Variants in TULP4 observed in about 807,000 individuals in gnomAD.
The protein encoded by TULP4 is tubby-related protein 4.
A neutral mutation model predicts 129.0 loss-of-function variants in TULP4; 16 were observed. The observed-to-expected ratio is 0.12, with a 90% CI of 0.08 to 0.19. The LOEUF (loss-of-function observed/expected upper bound fraction) is 0.19, where lower values mean the gene tolerates loss of function less well. Among genes scored for constraint, TULP4 ranks in the 10% least tolerant of loss-of-function variants. The pLI is 1.00. For synonymous variants in TULP4, 998 were observed against 854.0 expected (o/e 1.17, Z -2.94); for missense variants, 1,842 against 2,059.1 (o/e 0.89, Z 2.04).
At chr6:158,438,322 A>G (rs943407695) in intron 3 of TULP4, among the ~76,000 whole-genome samples, 4 of 152,014 alleles carry the variant, frequency 2.6e-5, no homozygotes, top group African/African-American at 9.7e-5. Context: ...ATTTCCTTCC[A>G]TAACCACAGT....
intron 1 of TULP4, among the ~76,000 whole-genome samples, chr6:158,248,568 G>T (rs980198467): frequency 6.6e-6 from 1 of 151,894 alleles, no homozygotes; most frequent in Non-Finnish European, 1.5e-5. Flanking sequence ...CGTGCCCGGC[G>T]TCTGTTCTTT....
chr6:158,268,037 T>C (rs1469712746), intron 1 of TULP4, among the ~76,000 whole-genome samples: 1 of 104,876 alleles, frequency 9.5e-6, no homozygotes, highest in Non-Finnish European at 2.1e-5. Flanking sequence ...TCTTTTTTCT[T>C]TTTTTTTTTT....
intron 1 of TULP4, among the ~76,000 whole-genome samples, chr6:158,351,540 TGGTGGCA>T (rs1299020456): frequency 1.3e-5 from 2 of 152,146 alleles, no homozygotes; most frequent in Admixed American, 1.3e-4. Context: ...GAAAAAGCAC[TGGTGGCA>T]TTTCCTGGGA....
intron 1 of TULP4, among the ~76,000 whole-genome samples, chr6:158,378,485 T>TTTTTTTTGTGTG (rs1554285635): frequency 1.9e-5 from 1 of 51,288 alleles, no homozygotes; most frequent in South Asian, 6.4e-4. Context: ...TTTTTTTTTT[T>TTTTTTTTGTGTG]GGTGGGGGTG....
intron 1 of TULP4, among the ~76,000 whole-genome samples, chr6:158,324,321 T>C (rs1004339006): frequency 2.0e-5 from 3 of 152,178 alleles, no homozygotes; most frequent in Admixed American, 6.5e-5. Context: ...TCTGTCTTCT[T>C]TTTTTAGACC....
At chr6:158,309,173 A>T (rs1779286463), upstream of TULP4, among the ~76,000 whole-genome samples, 1 of 34,808 alleles carries the variant, frequency 2.9e-5, no homozygotes, top group African/African-American at 6.9e-5. Flanking sequence ...CACTTCTCAG[A>T]TGGGGTGGTT....
At chr6:158,369,926 G>C (rs1334288581) in intron 1 of TULP4, among the ~76,000 whole-genome samples, 1 of 152,160 alleles carries the variant, frequency 6.6e-6, no homozygotes. Context: ...AGTGGCTCAA[G>C]CCTATAATTC....
intron 2 of TULP4, among the ~76,000 whole-genome samples, chr6:158,421,039 G>T (rs977958977): frequency 5.3e-5 from 8 of 152,100 alleles, no homozygotes; most frequent in Non-Finnish European, 1.2e-4. Context: ...CTTTGGAGAG[G>T]CGTGAGACAT....
chr6:158,242,149 G>T, intron 1 of TULP4: 1 of 988,918 alleles, frequency 1.0e-6, no homozygotes. Context: ...ATAAGTGATG[G>T]CCAGTCCTGC....
At chr6:158,250,805 T>G (rs956956439) in intron 1 of TULP4, among the ~76,000 whole-genome samples, 2 of 152,232 alleles carry the variant, frequency 1.3e-5, no homozygotes, top group African/African-American at 4.8e-5. Flanking sequence ...TAATAGGGAA[T>G]TGATCTGTTA....
At chr6:158,446,786 C>T (rs1779052324) in intron 3 of TULP4, among the ~76,000 whole-genome samples, 1 of 152,178 alleles carries the variant, frequency 6.6e-6, no homozygotes, top group Non-Finnish European at 1.5e-5. Context: ...CTTGCGTTCT[C>T]CCTGGGTCCT....
rs1778136523 is a variant in TULP4 at position 158,413,241 on chromosome 6, A to G, written c.381+48A>G. 1 of 1,562,926 alleles carries G rather than the reference A, an allele frequency of 6.4e-7. No homozygotes were observed. The highest frequency in any genetic ancestry group is 1.2e-5 in the South Asian group (1 of 85,946). ...CCAGTGAAGGGCTGCGGGGTAGAGGACTCCCAGACAGGCATTCCGGAGCCA... is the reference window on the plus strand; with the variant it reads ...CCAGTGAAGGGCTGCGGGGTAGAGGGCTCCCAGACAGGCATTCCGGAGCCA... On this transcript the variant is annotated intron_variant, in intron 2 of 13. Transcript: ENST00000367097. This position sits in a 1 kb window ranked among gnomAD's most constrained non-coding sequence, Gnocchi z 4.9.
chr6:158,447,668 C>A (rs1178814308), intron 3 of TULP4, among the ~76,000 whole-genome samples: 2 of 152,130 alleles, frequency 1.3e-5, no homozygotes, highest in Non-Finnish European at 2.9e-5. Flanking sequence ...CTGTCTCTCC[C>A]CCAAGGAGCT....
At chr6:158,468,668 C>T (rs148092733) in intron 6 of TULP4, among the ~76,000 whole-genome samples, 11 of 152,330 alleles carry the variant, frequency 7.2e-5, no homozygotes, top group African/African-American at 2.6e-4. Flanking sequence ...CCAAATGTGT[C>T]TTAGTCTGTT....
intron 3 of TULP4, among the ~76,000 whole-genome samples, chr6:158,432,845 C>G (rs1045929671): frequency 6.6e-6 from 1 of 152,150 alleles, no homozygotes; most frequent in Non-Finnish European, 1.5e-5. Context: ...GCACTTTTTC[C>G]TCACCACTCC....
intron 1 of TULP4, among the ~76,000 whole-genome samples, chr6:158,345,372 T>C (rs1252027406): frequency 6.6e-6 from 1 of 152,212 alleles, no homozygotes; most frequent in Non-Finnish European, 1.5e-5. Flanking sequence ...CCTCAGGCTA[T>C]CCTCCTTCCT....
intron 1 of TULP4, among the ~76,000 whole-genome samples, chr6:158,331,258 C>T (rs1483217453): frequency 4.6e-5 from 7 of 152,194 alleles, no homozygotes; most frequent in Non-Finnish European, 8.8e-5. Flanking sequence ...TCCAATTCCA[C>T]TACTCCCTCC....
chr6:158,269,551 A>G (rs1201999185), intron 1 of TULP4, among the ~76,000 whole-genome samples: 1 of 152,198 alleles, frequency 6.6e-6, no homozygotes, highest in Non-Finnish European at 1.5e-5. Context: ...TTTAATTTTG[A>G]TCAGAGATAA....
intron 1 of TULP4, among the ~76,000 whole-genome samples, chr6:158,331,745 G>A (rs1413383694): frequency 0.043 from 680 of 15,660 alleles, 127 homozygotes; most frequent in Middle Eastern, 0.15. Flanking sequence ...ATATATATAC[G>A]TGTATATACA....
Sources: gnomAD v4.1 joint callset for allele counts (sites outside exome capture counted in the v4.1 genomes callset) on GRCh38, gnomAD v4.1.1 for gene constraint, Gnocchi (gnomAD v3.1) non-coding constraint, MANE v1.5 for transcripts, NCBI Gene and HGNC (gene_info 2026-07-23, HGNC 2026-07-21) for gene names.